Variants in TRIM37 observed in about 807,000 individuals in gnomAD.
The protein encoded by TRIM37 is tripartite motif containing 37.
Under a neutral mutation model 129.8 loss-of-function variants are expected in TRIM37, and 80 were observed. The ratio of observed to expected loss-of-function variants is 0.62; its 90% CI spans 0.51 to 0.74. TRIM37 has a LOEUF of 0.74. TRIM37 is among the 30% of genes least tolerant of loss of function. The pLI, the probability that TRIM37 is intolerant of heterozygous loss-of-function variation, is 0.00. For missense variants in TRIM37, 1,054 were observed against 1,176.5 expected (o/e 0.90, Z 1.52); for synonymous variants, 389 against 387.1 (o/e 1.00, Z -0.06).
At chr17:59,104,436 C>T in intron 1 of TRIM37, 42 bp from the exon 2 acceptor site, 1 of 1,568,506 alleles carries the variant, frequency 6.4e-7, no homozygotes, top group Non-Finnish European at 8.8e-7. Flanking sequence ...GTTTAGGCTA[C>T]TGAATCAAGA....
At chr17:58,967,684 TA>T in the TRIM37 span, among the ~76,000 whole-genome samples, 1 of 152,062 alleles carries the variant, frequency 6.6e-6, no homozygotes, top group Non-Finnish European at 1.5e-5. Context: ...ATCCTTTTTT[TA>T]TTTTTTTAAG....
In TRIM37 at chr17:59,104,345, T is replaced by A; in HGVS notation, c.71A>T (p.Asp24Val). ...GGAGCAATGAGGACACAGGCGTGCATCCCGCAATTTCTCCATACAAATGAA... is the reference window on the plus strand; with the variant it reads ...GGAGCAATGAGGACACAGGCGTGCAACCCGCAATTTCTCCATACAAATGAA... ...RCFICMEKLRDARLCPHCSKL... is the reference protein window; with the variant it reads ...RCFICMEKLRVARLCPHCSKL... The change falls in exon 2 of 24, where the codon GAT (aspartate) becomes GTT (valine). Residue 24 changes from aspartate (D) to valine (V), a missense_variant. Asp to Val is a radical substitution (Grantham distance 152, BLOSUM62 -3). Around this residue, in one of 3 missense-constraint regions of TRIM37, gnomAD observed 752 missense variants for 870.8 expected, o/e 0.86. Transcript: ENST00000262294. 1.2e-6 allele frequency: 2 copies of A among 1,614,200 alleles called. No individual in the cohort carries two copies. The highest frequency in any genetic ancestry group is 1.7e-6 in the Non-Finnish European group (2 of 1,180,040).
intron 16 of TRIM37, among the ~76,000 whole-genome samples, chr17:59,047,043 G>T (rs1379591074): frequency 6.6e-6 from 1 of 151,604 alleles, no homozygotes. Context: ...AGTTCTAGCT[G>T]CTCGGGAGGC....
intron 2 of TRIM37, among the ~76,000 whole-genome samples, chr17:59,099,069 G>A (rs1351457636): frequency 6.6e-6 from 1 of 152,090 alleles, no homozygotes; most frequent in Non-Finnish European, 1.5e-5. Context: ...TGTAGTCCCA[G>A]CTACTCGGGA....
chr17:58,970,932 ATTCTT>A, the TRIM37 span, among the ~76,000 whole-genome samples: 1 of 151,750 alleles, frequency 6.6e-6, no homozygotes, highest in South Asian at 2.1e-4. Flanking sequence ...CCTCTATTCT[ATTCTT>A]TTTTTCCTCT....
chr17:59,073,936 A>T (rs1267769540), intron 8 of TRIM37, among the ~76,000 whole-genome samples: 1 of 152,246 alleles, frequency 6.6e-6, no homozygotes, highest in Non-Finnish European at 1.5e-5. Flanking sequence ...ACGTTTTTTT[A>T]AAAAGTAGGA....
intron 19 of TRIM37, among the ~76,000 whole-genome samples, chr17:59,024,143 G>C (rs1167700213): frequency 3.3e-5 from 5 of 150,826 alleles, no homozygotes; most frequent in South Asian, 4.2e-4. Flanking sequence ...GAACCCAGGA[G>C]GGGGAGGTTG....
At chr17:59,047,426 G>A (rs2039933882) in intron 16 of TRIM37, among the ~76,000 whole-genome samples, 1 of 152,154 alleles carries the variant, frequency 6.6e-6, no homozygotes, top group South Asian at 2.1e-4. Context: ...AATATTCATA[G>A]GGAATGAATC....
intron 12 of TRIM37, among the ~76,000 whole-genome samples, chr17:59,057,331 C>T (rs898251030): frequency 6.6e-6 from 1 of 152,152 alleles, no homozygotes; most frequent in Non-Finnish European, 1.5e-5. Context: ...TCTCCTGCCT[C>T]GGCCTACAGA....
intron 17 of TRIM37, among the ~76,000 whole-genome samples, chr17:59,038,075 CA>C (rs1735315225): frequency 6.6e-6 from 1 of 152,144 alleles, no homozygotes; most frequent in Non-Finnish European, 1.5e-5. Context: ...AACATGCTAT[CA>C]ACATGACCTA....
chr17:59,072,592 A>G (rs1345200891), intron 8 of TRIM37, among the ~76,000 whole-genome samples: 1 of 152,038 alleles, frequency 6.6e-6, no homozygotes, highest in Non-Finnish European at 1.5e-5. Context: ...TACTAAAAAT[A>G]TAACAATTAG....
At chr17:58,983,275 C>T (rs915694242) in intron 24 of TRIM37, 1 of 189,596 alleles carries the variant, frequency 5.3e-6, no homozygotes, top group African/African-American at 2.3e-5. Context: ...TGAAAAATAG[C>T]AACTATTCAT....
intron 20 of TRIM37, 74 bp downstream of exon 20, chr17:59,017,222 C>G: frequency 6.4e-7 from 1 of 1,570,902 alleles, no homozygotes; most frequent in South Asian, 1.1e-5. Flanking sequence ...AGATCTAAAG[C>G]TCCACGATAA....
chr17:59,046,929 CG>C (rs2039873991), intron 16 of TRIM37, among the ~76,000 whole-genome samples: 3 of 150,460 alleles, frequency 2.0e-5, no homozygotes, highest in Non-Finnish European at 4.4e-5. Flanking sequence ...CCGAGGTGGA[CG>C]GATCATGAGG....
chr17:59,041,042 G>T (rs2039093882), intron 17 of TRIM37, among the ~76,000 whole-genome samples: 1 of 150,970 alleles, frequency 6.6e-6, no homozygotes, highest in African/African-American at 2.4e-5. Flanking sequence ...GACAGAGCGA[G>T]ACTCCGTCTC....
At chr17:59,050,728 C>T (rs2040255315) in intron 14 of TRIM37, among the ~76,000 whole-genome samples, 1 of 151,974 alleles carries the variant, frequency 6.6e-6, no homozygotes, top group Non-Finnish European at 1.5e-5. Flanking sequence ...GCCTGTAATC[C>T]CAGCACTTTG....
intron 2 of TRIM37, among the ~76,000 whole-genome samples, chr17:59,094,265 C>T (rs569745613): frequency 6.6e-6 from 1 of 152,224 alleles, no homozygotes; most frequent in South Asian, 2.1e-4. Flanking sequence ...CAATGTTTCT[C>T]TCAAACCAAA....
intron 16 of TRIM37, among the ~76,000 whole-genome samples, chr17:59,047,397 A>T (rs893768938): frequency 2.0e-5 from 3 of 152,236 alleles, no homozygotes; most frequent in Non-Finnish European, 4.4e-5. Flanking sequence ...AAAATTATAT[A>T]CAGAGAAATA....
chr17:59,055,907 T>G (rs1227455820), intron 13 of TRIM37, among the ~76,000 whole-genome samples: 1 of 152,108 alleles, frequency 6.6e-6, no homozygotes, highest in East Asian at 1.9e-4. Flanking sequence ...AACCTACACA[T>G]GTACCCCTGA....
Sources: gnomAD v4.1 joint callset for allele counts (sites outside exome capture counted in the v4.1 genomes callset) on GRCh38, gnomAD v4.1.1 for gene constraint, gnomAD v4.1.1 regional missense constraint, MANE v1.5 for transcripts, NCBI Gene and HGNC (gene_info 2026-07-23, HGNC 2026-07-21) for gene names.